Variants in XKR6 observed in about 807,000 individuals in gnomAD.
The protein encoded by XKR6 is XK related 6, also known as XK-related protein 6.
Under a neutral mutation model 56.7 loss-of-function variants are expected in XKR6, and 22 were observed. The ratio of observed to expected loss-of-function variants is 0.39; its 90% confidence interval spans 0.28 to 0.55. The LOEUF is 0.55. Among genes scored for constraint, XKR6 ranks in the 20% least tolerant of loss-of-function variants. The probability of loss-of-function intolerance (pLI) is 0.66; values close to 1 mark genes in which losing one functional copy is unlikely to be tolerated. For synonymous variants in XKR6, 524 were observed against 387.8 expected (o/e 1.35, Z -4.13); for missense variants, 852 against 889.0 (o/e 0.96, Z 0.53).
At chr8:11,011,046 C>T (rs1444329294) in intron 1 of XKR6, among the ~76,000 whole-genome samples, 1 of 152,202 alleles carries the variant, frequency 6.6e-6, no homozygotes, top group Admixed American at 6.5e-5. Context: ...TTATTATTAT[C>T]CCTGTTTAAC....
chr8:11,184,761 G>C (rs978452379), intron 1 of XKR6, among the ~76,000 whole-genome samples: 1 of 151,754 alleles, frequency 6.6e-6, no homozygotes. Context: ...CAAACTCCTG[G>C]GCTCATGCAA....
At position 10,945,002 on chromosome 8, in the gene XKR6, G is replaced by A. The variant is rs1039416011; in HGVS notation, c.765-20172C>T. On this transcript the variant is annotated intron_variant, in intron 1 of 2. Transcript: ENST00000416569. ...ACAGAGGCAGAATGCGGTAGATGTC[G>A]CCATGCAGTCTTTCTGGATGTAGGG... is the stretch of plus-strand genomic sequence containing the variant. Among the ~76,000 whole-genome samples, 14 of 152,130 alleles carry A rather than the reference G, an allele frequency of 9.2e-5. No homozygotes were observed. In the South Asian group the frequency reaches 2.3e-3, roughly 25 times the overall value.
At chr8:11,100,677 T>G (rs1798435328) in intron 1 of XKR6, among the ~76,000 whole-genome samples, 1 of 152,246 alleles carries the variant, frequency 6.6e-6, no homozygotes, top group South Asian at 2.1e-4. Flanking sequence ...AGAATTTTGC[T>G]GTATGATTCT....
chr8:11,047,553 G>A (rs1054940993), intron 1 of XKR6, among the ~76,000 whole-genome samples: 2 of 152,146 alleles, frequency 1.3e-5, no homozygotes, highest in African/African-American at 4.8e-5. Context: ...TTCCACATCT[G>A]TGAGGTCCCT....
At chr8:11,182,839 T>G (rs546497264) in intron 1 of XKR6, among the ~76,000 whole-genome samples, 58 of 152,348 alleles carry the variant, frequency 3.8e-4, no homozygotes, top group African/African-American at 1.3e-3. Flanking sequence ...CTTGTAAAAC[T>G]GGAACTCTGT....
chr8:11,021,567 C>G (rs1235891771), intron 1 of XKR6, among the ~76,000 whole-genome samples: 1 of 152,010 alleles, frequency 6.6e-6, no homozygotes, highest in African/African-American at 2.4e-5. Flanking sequence ...GAAAACAGAC[C>G]CAGCTCAGAG....
intron 1 of XKR6, among the ~76,000 whole-genome samples, chr8:11,087,977 C>A (rs1337041704): frequency 6.6e-6 from 1 of 152,196 alleles, no homozygotes; most frequent in African/African-American, 2.4e-5. Flanking sequence ...ACAACTTGCA[C>A]CTGATTTGTT....
At chr8:10,915,773 A>G (rs1315788018) in intron 2 of XKR6, among the ~76,000 whole-genome samples, 1 of 152,236 alleles carries the variant, frequency 6.6e-6, no homozygotes, top group African/African-American at 2.4e-5. Context: ...TGAGAGGAGA[A>G]ACACAGAGCT....
intron 1 of XKR6, among the ~76,000 whole-genome samples, chr8:10,964,226 T>C (rs76571229): frequency 0.021 from 3,180 of 152,256 alleles, 101 homozygotes; most frequent in African/African-American, 0.073. Flanking sequence ...GGACTGTGGT[T>C]GTGGGAGAAA....
At chr8:11,028,320 G>A (rs911279627) in intron 1 of XKR6, among the ~76,000 whole-genome samples, 14 of 152,104 alleles carry the variant, frequency 9.2e-5, no homozygotes, top group African/African-American at 1.9e-4. Flanking sequence ...ATATCCCATC[G>A]TTTGCATGGA....
At chr8:11,162,180 G>C (rs774188307) in intron 1 of XKR6, among the ~76,000 whole-genome samples, 9 of 152,188 alleles carry the variant, frequency 5.9e-5, no homozygotes, top group Non-Finnish European at 8.8e-5. Context: ...AATTAGCAAA[G>C]AAACTATAAT....
intron 1 of XKR6, among the ~76,000 whole-genome samples, chr8:10,995,365 T>G (rs1164952165): frequency 1.3e-5 from 2 of 148,454 alleles, no homozygotes; most frequent in Non-Finnish European, 3.0e-5. Flanking sequence ...ATATATATGT[T>G]ATATATGATA....
intron 1 of XKR6, among the ~76,000 whole-genome samples, chr8:11,031,936 G>A (rs1799002752): frequency 6.6e-6 from 1 of 152,216 alleles, no homozygotes; most frequent in Admixed American, 6.5e-5. Flanking sequence ...CCTGTTGAAT[G>A]AGTGCACAGG....
chr8:11,062,950 G>A (rs780532236), intron 1 of XKR6: 3 of 425,832 alleles, frequency 7.0e-6, no homozygotes, highest in South Asian at 5.0e-5. Flanking sequence ...TTGGCTAGAA[G>A]TGAAGGACTC....
chr8:11,140,964 A>C (rs1370299071), intron 1 of XKR6, among the ~76,000 whole-genome samples: 1 of 151,290 alleles, frequency 6.6e-6, no homozygotes, highest in Non-Finnish European at 1.5e-5. Context: ...AATCAACATC[A>C]CTCCAAAGAC....
chr8:11,121,318 A>G (rs1554464530), intron 1 of XKR6, among the ~76,000 whole-genome samples: 1 of 152,214 alleles, frequency 6.6e-6, no homozygotes, highest in Non-Finnish European at 1.5e-5. Flanking sequence ...CAGAATCTAC[A>G]ACGAACTCAA....
intron 1 of XKR6, among the ~76,000 whole-genome samples, chr8:11,052,413 G>C (rs1399871562): frequency 6.6e-6 from 1 of 152,198 alleles, no homozygotes; most frequent in Non-Finnish European, 1.5e-5. Flanking sequence ...CCACGAAAAT[G>C]CAAACTCGAA....
At chr8:11,160,265 A>T (rs1801729886) in intron 1 of XKR6, among the ~76,000 whole-genome samples, 1 of 152,194 alleles carries the variant, frequency 6.6e-6, no homozygotes, top group South Asian at 2.1e-4. Flanking sequence ...GTTTGCTGCT[A>T]AAAACATCAC....
intron 1 of XKR6, among the ~76,000 whole-genome samples, chr8:10,947,182 G>C (rs950100372): frequency 2.0e-5 from 3 of 152,198 alleles, no homozygotes; most frequent in African/African-American, 7.2e-5. Flanking sequence ...TGCTGGCAAG[G>C]GGGAAATCAT....
Sources: gnomAD v4.1 joint callset for allele counts (sites outside exome capture counted in the v4.1 genomes callset) on GRCh38, gnomAD v4.1.1 for gene constraint, MANE v1.5 for transcripts, NCBI Gene and HGNC (gene_info 2026-07-23, HGNC 2026-07-21) for gene names.